The following ANKH variants were observed in gnomAD, a reference collection of about 807,000 sequenced individuals.
ANKH encodes mineralization regulator ANKH.
In ANKH, 15 loss-of-function variants were observed where a neutral mutation model predicts 49.0. That is an observed-to-expected ratio of 0.31 (90% CI 0.20 to 0.47). The LOEUF is 0.47. Ranked by LOEUF, ANKH falls within the 20% of genes least tolerant of loss-of-function variation. The pLI, the probability that ANKH is intolerant of heterozygous loss-of-function variation, is 1.00. For synonymous variants in ANKH, 273 were observed against 260.0 expected (o/e 1.05, Z -0.48); for missense variants, 429 against 652.0 (o/e 0.66, Z 3.72).
At position 14,719,711 on chromosome 5, in the gene ANKH, T is replaced by A. The variant is rs995974731; in HGVS notation, c.1012-2876A>T. Reference sequence around the variant, plus strand: ...GGCTCAGCGTCAGAGTTTATCGTAGTCACAATCCATCAAGAGTTGGGGGTG... The same window carrying A: ...GGCTCAGCGTCAGAGTTTATCGTAGACACAATCCATCAAGAGTTGGGGGTG... On this transcript the variant is annotated intron_variant, in intron 8 of 11. Transcript: ENST00000284268. Among the ~76,000 whole-genome samples the A allele has an allele frequency of 3.3e-5, 5 of 152,226 alleles. No homozygotes were observed. The Middle Eastern group carries it at 0.01, about 311-fold the overall frequency.
chr5:14,844,317 A>C (rs1276046656), intron 1 of ANKH, among the ~76,000 whole-genome samples: 1 of 152,234 alleles, frequency 6.6e-6, no homozygotes. Context: ...TCACTTGCCA[A>C]GTTTCTCTGA....
At chr5:14,807,205 C>G (rs779236678) in intron 1 of ANKH, among the ~76,000 whole-genome samples, 1 of 151,568 alleles carries the variant, frequency 6.6e-6, no homozygotes, top group Non-Finnish European at 1.5e-5. Flanking sequence ...ACCTCCACCT[C>G]CCGGGCTCAA....
Position 14,727,715 on chromosome 5 carries a change from G to A in ANKH, c.1012-10880C>T, listed in dbSNP as rs115457985. The stretch of plus-strand genomic sequence containing the variant: ...CAACTTGGAACTTGTTTGGGACTGG[G>A]GGAAGGGGACATGAGGAGTGACTGT... On this transcript the variant is annotated intron_variant, in intron 8 of 11. Coordinates refer to ENST00000284268, the MANE Select transcript of ANKH (RefSeq NM_054027.6). 5.3e-3 allele frequency among the ~76,000 whole-genome samples: 807 copies of A among 151,990 alleles called. 5 individuals carry two copies. The highest frequency in any genetic ancestry group is 0.018 in the African/African-American group (743 of 41,430).
intron 5 of ANKH, among the ~76,000 whole-genome samples, chr5:14,750,080 T>C (rs1405622521): frequency 6.6e-6 from 1 of 152,206 alleles, no homozygotes; most frequent in East Asian, 1.9e-4. Context: ...GATAACTAGA[T>C]AGGATTTTAC....
rs147790411 is a variant in ANKH at position 14,794,969 on chromosome 5, G to T, written c.97-25778C>A. Reference sequence around the variant, plus strand: ...CTGTGTATGTTCTGAGATAATGGAAGTAGGAGGAGGTGGTACACAGAAACA... The same window carrying T: ...CTGTGTATGTTCTGAGATAATGGAATTAGGAGGAGGTGGTACACAGAAACA... On this transcript the variant is annotated intron_variant, in intron 1 of 11. Coordinates refer to ENST00000284268, the MANE Select transcript of ANKH (RefSeq NM_054027.6). Among the ~76,000 whole-genome samples, 368 of 152,374 alleles carry T rather than the reference G, an allele frequency of 2.4e-3. 3 individuals carry two copies. The highest frequency in any genetic ancestry group is 7.9e-3 in the South Asian group (38 of 4,826).
intron 1 of ANKH, among the ~76,000 whole-genome samples, chr5:14,819,234 T>C (rs1262735842): frequency 6.6e-6 from 1 of 152,232 alleles, no homozygotes; most frequent in South Asian, 2.1e-4. Flanking sequence ...TATTCTGCTG[T>C]CTCAACCTAT....
intron 1 of ANKH, among the ~76,000 whole-genome samples, chr5:14,830,701 T>A (rs559495682): frequency 6.6e-6 from 1 of 152,190 alleles, no homozygotes; most frequent in African/African-American, 2.4e-5. Context: ...CTATTTTGTA[T>A]GTCTATTTTC....
At chr5:14,787,099 A>G (rs1280957237) in intron 1 of ANKH, among the ~76,000 whole-genome samples, 1 of 152,132 alleles carries the variant, frequency 6.6e-6, no homozygotes, top group African/African-American at 2.4e-5. Context: ...GGATCACCTG[A>G]GGTCAGGAGT....
chr5:14,771,944 A>AACC (rs1554004789), intron 1 of ANKH, among the ~76,000 whole-genome samples: 1 of 143,734 alleles, frequency 7.0e-6, no homozygotes, highest in African/African-American at 2.5e-5. Flanking sequence ...AAAAAAAAAA[A>AACC]AAACCAAAAC....
At chr5:14,833,976 G>A (rs1301836493) in intron 1 of ANKH, among the ~76,000 whole-genome samples, 2 of 152,168 alleles carry the variant, frequency 1.3e-5, no homozygotes, top group Non-Finnish European at 2.9e-5. Flanking sequence ...CGGGGCTTAC[G>A]TGGGGCTCGT....
intron 1 of ANKH, chr5:14,798,406 G>T: frequency 6.4e-7 from 1 of 1,557,038 alleles, no homozygotes; most frequent in Non-Finnish European, 8.7e-7. Context: ...GCCATGGCGG[G>T]CAGGCGAGCC....
At chr5:14,768,937 C>T in intron 2 of ANKH, 38 bp downstream of exon 2, 1 of 1,596,176 alleles carries the variant, frequency 6.3e-7, no homozygotes, top group Non-Finnish European at 8.6e-7. Flanking sequence ...TAAGAAATTG[C>T]CAAAGCTAGA....
rs756339399 is a variant in ANKH, at chr5:14,769,211, C to A, written c.97-20G>T. 52 of 1,592,518 alleles carry A rather than the reference C, an allele frequency of 3.3e-5. No homozygotes were observed. In the East Asian group the frequency reaches 1.2e-3, roughly 36 times the overall value. ...CAAGGCCTGGGAAGGGGGAAAAAAA[C>A]CCACAAGCATTAGAAATGTCATCTC... On this transcript the variant is annotated intron_variant, in intron 1 of 11. Transcript: ENST00000284268.
At chr5:14,727,258 A>G (rs1482832990) in intron 8 of ANKH, among the ~76,000 whole-genome samples, 1 of 152,148 alleles carries the variant, frequency 6.6e-6, no homozygotes, top group African/African-American at 2.4e-5. Flanking sequence ...CATAATAATT[A>G]TTATAAATCT....
chr5:14,746,595 A>G (rs1045103246), intron 6 of ANKH, among the ~76,000 whole-genome samples: 12 of 152,176 alleles, frequency 7.9e-5, no homozygotes, highest in African/African-American at 2.9e-4. Context: ...CCTAAAACAT[A>G]ATTTCTAATC....
rs1739352030 is a variant in ANKH, at chr5:14,769,308, T to C, written c.97-117A>G. ...TTCTATAGAAACACTAAGTAGCTTATAGGGTGCATCTCATGTAATTGGATA... is the reference window on the plus strand; with the variant it reads ...TTCTATAGAAACACTAAGTAGCTTACAGGGTGCATCTCATGTAATTGGATA... On this transcript the variant is annotated intron_variant, in intron 1 of 11. Transcript: ENST00000284268. 6 of 836,970 alleles carry C rather than the reference T, an allele frequency of 7.2e-6. No homozygotes were observed. In the South Asian group the frequency reaches 7.3e-5, roughly 10 times the overall value. The allele number at this position is 836,970 out of a possible 1,614,324, so 51.8% of individuals were successfully genotyped here. A position where few individuals can be genotyped will look rare whatever the true frequency, so the allele number is the denominator to read the frequency against.
chr5:14,871,259 G>T, intron 1 of ANKH, 93 bp downstream of exon 1: 1 of 1,082,360 alleles, frequency 9.2e-7, no homozygotes, highest in Non-Finnish European at 1.4e-6. Context: ...GATAAAGAGG[G>T]ACTCGGAGCA....
At chr5:14,736,607 CCT>C (rs1738192137) in intron 8 of ANKH, among the ~76,000 whole-genome samples, 1 of 152,182 alleles carries the variant, frequency 6.6e-6, no homozygotes, top group Admixed American at 6.5e-5. Context: ...CGTCACCTCC[CCT>C]CTTTTTCTGA....
chr5:14,858,250 C>T (rs890447597), intron 1 of ANKH, among the ~76,000 whole-genome samples: 2 of 152,076 alleles, frequency 1.3e-5, no homozygotes, highest in African/African-American at 4.8e-5. Flanking sequence ...AGTCTTTTAT[C>T]CCTCACCCGC....
Sources: gnomAD v4.1 joint callset for allele counts (sites outside exome capture counted in the v4.1 genomes callset) on GRCh38, gnomAD v4.1.1 for gene constraint, MANE v1.5 for transcripts, NCBI Gene and HGNC (gene_info 2026-07-23, HGNC 2026-07-21) for gene names.